Variants in SPMIP1 observed in about 807,000 individuals in gnomAD.
SPMIP1 encodes protein SPMIP1.
chr7:128,869,882 C>G, the SPMIP1 span: 1 of 152,198 alleles, frequency 6.6e-6, no homozygotes, highest in Non-Finnish European at 1.5e-5. Flanking sequence ...CTCCAGGGCC[C>G]TGCAGCCCGT....
At chr7:128,868,968 T>C in the SPMIP1 span, 1 of 538,416 alleles carries the variant, frequency 1.9e-6, no homozygotes, top group Non-Finnish European at 3.3e-6. Flanking sequence ...AATCATCCCT[T>C]TGAGGACTCA....
the SPMIP1 span, chr7:128,869,678 T>A: frequency 1.3e-5 from 2 of 152,168 alleles, no homozygotes; most frequent in Non-Finnish European, 2.9e-5. Context: ...GGCCGCGCTG[T>A]GCAGCTCCAG....
the SPMIP1 span, among the ~76,000 whole-genome samples, chr7:128,867,679 C>G: frequency 6.6e-6 from 1 of 152,120 alleles, no homozygotes; most frequent in African/African-American, 2.4e-5. Context: ...TCAAGAGATT[C>G]TTCTGCCTCA....
At chr7:128,866,978 G>A in the SPMIP1 span, 783 of 825,642 alleles carry the variant, frequency 9.5e-4, 8 homozygotes, top group African/African-American at 0.012. Context: ...AGGGAGTGGC[G>A]GTGGGCAGGG....
At chr7:128,871,496 C>T in the SPMIP1 span, 6 of 152,126 alleles carry the variant, frequency 3.9e-5, no homozygotes, top group African/African-American at 1.2e-4. Context: ...TAGGCCAGAG[C>T]CTGGCCTAAA....
At chr7:128,871,847 C>G in the SPMIP1 span, 12 of 152,218 alleles carry the variant, frequency 7.9e-5, no homozygotes, top group Admixed American at 6.5e-4. Context: ...TTCTGTAATT[C>G]TCATCTGTTG....
At chr7:128,868,613 C>A in the SPMIP1 span, 1 of 1,199,190 alleles carries the variant, frequency 8.3e-7, no homozygotes, top group Non-Finnish European at 1.2e-6. Context: ...CTCCCATGCT[C>A]TGCGTGTCCC....
At chr7:128,870,005 A>G in the SPMIP1 span, 3 of 152,112 alleles carry the variant, frequency 2.0e-5, no homozygotes, top group Admixed American at 1.3e-4. Context: ...GCGACCTGGG[A>G]GCCGCCGCCG....
At chr7:128,869,897 A>C in the SPMIP1 span, 2 of 151,440 alleles carry the variant, frequency 1.3e-5, no homozygotes, top group African/African-American at 4.9e-5. Context: ...GCCCGTGCGG[A>C]TCGCGCTCCA....
the SPMIP1 span, chr7:128,868,971 A>G: frequency 1.9e-6 from 1 of 536,754 alleles, no homozygotes; most frequent in Non-Finnish European, 3.3e-6. Context: ...CATCCCTTTG[A>G]GGACTCAGCA....
chr7:128,867,939 AG>A, the SPMIP1 span, among the ~76,000 whole-genome samples: 1 of 152,164 alleles, frequency 6.6e-6, no homozygotes, highest in Non-Finnish European at 1.5e-5. Flanking sequence ...GAGTGGGGGC[AG>A]GAGGGCTGAG....
At chr7:128,871,312 T>G in the SPMIP1 span, 1 of 152,248 alleles carries the variant, frequency 6.6e-6, no homozygotes, top group Non-Finnish European at 1.5e-5. Context: ...GTCACGGTGC[T>G]GGGTGCCTGG....
the SPMIP1 span, chr7:128,866,608 GC>G: frequency 2.4e-6 from 1 of 417,082 alleles, no homozygotes; most frequent in Non-Finnish European, 3.5e-6. Flanking sequence ...ACCCCCACCC[GC>G]CCCCAAGTCA....
the SPMIP1 span, chr7:128,868,611 C>T: frequency 8.6e-7 from 1 of 1,159,866 alleles, no homozygotes; most frequent in Non-Finnish European, 1.2e-6. Context: ...GGCTCCCATG[C>T]TCTGCGTGTC....
chr7:128,869,251 C>T, the SPMIP1 span: 14 of 193,880 alleles, frequency 7.2e-5, no homozygotes, highest in Non-Finnish European at 1.4e-4. Flanking sequence ...CCAGCCGCGT[C>T]CTCCTGGCGG....
At chr7:128,866,858 C>G in the SPMIP1 span, 1 of 1,513,898 alleles carries the variant, frequency 6.6e-7, no homozygotes, top group Non-Finnish European at 8.8e-7. Flanking sequence ...GAAATCACCT[C>G]AAAAACAGAG....
chr7:128,869,295 C>A, the SPMIP1 span: 5 of 166,218 alleles, frequency 3.0e-5, no homozygotes, highest in African/African-American at 1.2e-4. Flanking sequence ...CTCAGTGGGG[C>A]GGGCGGGGCA....
the SPMIP1 span, among the ~76,000 whole-genome samples, chr7:128,867,684 G>C: frequency 6.6e-6 from 1 of 152,032 alleles, no homozygotes; most frequent in Non-Finnish European, 1.5e-5. Flanking sequence ...AGATTCTTCT[G>C]CCTCAGCCTC....
At chr7:128,866,703 G>A in the SPMIP1 span, 1 of 1,535,370 alleles carries the variant, frequency 6.5e-7, no homozygotes, top group Non-Finnish European at 8.7e-7. Context: ...CCCGAGCCCT[G>A]CTGTATGAAG....
Sources: allele counts gnomAD v4.1 joint callset (sites outside exome capture counted in the v4.1 genomes callset), GRCh38; gene constraint gnomAD v4.1.1; transcripts MANE v1.5; gene names NCBI Gene and HGNC (gene_info 2026-07-23, HGNC 2026-07-21).